The following USH2A variants were observed in gnomAD, a reference collection of about 807,000 sequenced individuals.
USH2A encodes the protein usherin, also known as Usher syndrome 2A (autosomal recessive, mild).
A neutral mutation model predicts 538.9 loss-of-function variants in USH2A; 443 were observed. The ratio of observed to expected loss-of-function variants is 0.82; its 90% CI spans 0.76 to 0.89. The LOEUF is 0.89. USH2A is among the 40% of genes least tolerant of loss of function. The pLI is 0.00. For missense variants in USH2A, 6,633 were observed against 6,324.8 expected, an observed-to-expected ratio of 1.05 and a Z score of -1.65; for synonymous variants, 2,413 against 2,273.5, an observed-to-expected ratio of 1.06 and a Z score of -1.75.
chr1:215,648,732 TG>T lies in USH2A; in HGVS notation c.14377del (p.His4793MetfsTer13), dbSNP rs760300512. On this transcript the variant is annotated frameshift_variant, in exon 66 of 72. Transcript: ENST00000307340. LOFTEE classifies it high-confidence loss of function. ...SEGMATQQTL[H>X]GLQAFTNYSI... is the part of the protein sequence containing the mutation. ...GTAGTTAGTGAAGGCTTGAAGGCCA[TG>T]GAGAGTCTGCTGGGTGGCCATGCCT... The T allele has an allele frequency of 1.2e-6, 2 of 1,614,102 alleles. No homozygotes were observed. Among genetic ancestry groups the T allele is most frequent in the South Asian group, 2.2e-5 (2 of 91,076 alleles).
intron 20 of USH2A, among the ~76,000 whole-genome samples, chr1:216,176,603 G>A (rs1572022381): frequency 6.6e-6 from 1 of 152,052 alleles, no homozygotes; most frequent in East Asian, 1.9e-4. Context: ...CTCACACGTG[G>A]TGTTTACCTT....
intron 21 of USH2A, among the ~76,000 whole-genome samples, chr1:216,130,091 A>G (rs750126792): frequency 6.6e-6 from 1 of 152,124 alleles, no homozygotes; most frequent in African/African-American, 2.4e-5. Context: ...GTAAGACCAG[A>G]AAGTATGAAA....
At chr1:215,648,445 G>C in intron 66 of USH2A, 83 bp downstream of exon 66, 2 of 1,415,228 alleles carry the variant, frequency 1.4e-6, no homozygotes, top group Non-Finnish European at 2.0e-6. Flanking sequence ...TTGTAGCCTA[G>C]GTGCAGAGTA....
intron 12 of USH2A, 35 bp downstream of exon 12, chr1:216,250,868 A>C: frequency 5.0e-6 from 8 of 1,604,030 alleles, no homozygotes; most frequent in Non-Finnish European, 6.8e-6. Context: ...AGATGGTAAT[A>C]GAGATGTGAC....
chr1:215,671,537 T>A (rs11120595), intron 63 of USH2A, among the ~76,000 whole-genome samples: 1 of 151,944 alleles, frequency 6.6e-6, no homozygotes, highest in Admixed American at 6.6e-5. Flanking sequence ...CAAAAAAAAA[T>A]TATATTTCCA....
At chr1:216,326,207 G>C (rs2037731720) in intron 5 of USH2A, among the ~76,000 whole-genome samples, 1 of 152,154 alleles carries the variant, frequency 6.6e-6, no homozygotes. Flanking sequence ...ATTCCAGGTA[G>C]ATATATTTAA....
intron 32 of USH2A, among the ~76,000 whole-genome samples, 158 bp downstream of exon 32, chr1:216,046,273 A>C (rs1258410445): frequency 1.3e-5 from 2 of 152,120 alleles, no homozygotes; most frequent in Non-Finnish European, 2.9e-5. Context: ...AATTTATATT[A>C]TTTTTAATTG....
intron 61 of USH2A, among the ~76,000 whole-genome samples, chr1:215,700,253 T>C (rs1658963069): frequency 6.6e-6 from 1 of 152,232 alleles, no homozygotes; most frequent in Admixed American, 6.5e-5. Context: ...ATCATGGATA[T>C]TGGTGTGAAA....
At position 215,889,014 on chromosome 1, in the gene USH2A, C is replaced by A; in HGVS notation, c.7635G>T (p.Lys2545Asn). The change falls in exon 41 of 72, where the codon AAG becomes AAT. Residue 2545 changes from lysine (K) to asparagine (N), a missense_variant. Physicochemically the swap from Lys to Asn is moderately conservative, Grantham distance 94 (BLOSUM62 0). Coordinates refer to ENST00000307340, the MANE Select transcript of USH2A (RefSeq NM_206933.4). ...PVVPPILLDV[K>N]SRMMLVTWQH... ...GCCAGGTGACCAACATCATTCTTGA[C>A]TTCACATCCAGAAGAATCGGAGGAA... The A allele has an allele frequency of 6.2e-7, 1 of 1,613,978 alleles. No individual in the cohort carries two copies. Among genetic ancestry groups the A allele is most frequent in the Non-Finnish European group, 8.5e-7 (1 of 1,180,010 alleles).
chr1:216,065,415 T>C (rs1278155539), intron 30 of USH2A, among the ~76,000 whole-genome samples: 6 of 152,206 alleles, frequency 3.9e-5, no homozygotes, highest in Admixed American at 3.3e-4. Context: ...ACATAGAATA[T>C]TGAACATTTT....
chr1:215,878,728 T>C (rs757650174), intron 42 of USH2A, 36 bp downstream of exon 42: 1 of 1,600,970 alleles, frequency 6.2e-7, no homozygotes, highest in Admixed American at 1.7e-5. Context: ...AGATAAGGAC[T>C]ACAGCAACAT....
chr1:216,200,215 A>C, intron 16 of USH2A, 94 bp from the exon 17 acceptor site: 1 of 1,287,142 alleles, frequency 7.8e-7, no homozygotes, highest in Non-Finnish European at 1.1e-6. Context: ...ATTTAATTAC[A>C]TAAACTATAC....
intron 61 of USH2A, among the ~76,000 whole-genome samples, chr1:215,720,927 G>A (rs1264207137): frequency 6.6e-6 from 1 of 152,012 alleles, no homozygotes; most frequent in Admixed American, 6.6e-5. Context: ...GTTCCTTTTT[G>A]TCTAATTCTT....
intron 30 of USH2A, among the ~76,000 whole-genome samples, chr1:216,056,432 G>A (rs908737389): frequency 1.3e-5 from 2 of 152,094 alleles, no homozygotes; most frequent in African/African-American, 4.8e-5. Flanking sequence ...TGGAGTGAGT[G>A]TACTGTATGG....
intron 30 of USH2A, among the ~76,000 whole-genome samples, chr1:216,058,797 A>G (rs1049185363): frequency 3.3e-5 from 5 of 152,210 alleles, no homozygotes; most frequent in Admixed American, 2.6e-4. Context: ...CATTAGGTTA[A>G]CTATGGGGTT....
intron 43 of USH2A, among the ~76,000 whole-genome samples, chr1:215,870,708 T>C (rs576062567): frequency 6.6e-6 from 1 of 152,278 alleles, no homozygotes; most frequent in African/African-American, 2.4e-5. Flanking sequence ...TCTACATATA[T>C]ATGTTGATTC....
At chr1:215,746,431 T>C (rs1385520602) in intron 58 of USH2A, among the ~76,000 whole-genome samples, 2 of 140,548 alleles carry the variant, frequency 1.4e-5, no homozygotes, top group East Asian at 4.6e-4. Context: ...TGCATAATAA[T>C]AAATAATGCT....
chr1:215,860,048 G>A (rs774675915), intron 44 of USH2A, among the ~76,000 whole-genome samples: 5 of 152,102 alleles, frequency 3.3e-5, no homozygotes, highest in African/African-American at 4.8e-5. Flanking sequence ...TTAGAAAGCC[G>A]GGCATCCCTT....
intron 20 of USH2A, among the ~76,000 whole-genome samples, chr1:216,186,855 G>A (rs907692028): frequency 5.9e-5 from 9 of 151,764 alleles, no homozygotes; most frequent in Non-Finnish European, 1.2e-4. Context: ...TAACTTCCAG[G>A]TCTGTCTTCC....
Sources: gnomAD v4.1 joint callset for allele counts (sites outside exome capture counted in the v4.1 genomes callset) on GRCh38, gnomAD v4.1.1 for gene constraint, MANE v1.5 for transcripts, NCBI Gene and HGNC (gene_info 2026-07-23, HGNC 2026-07-21) for gene names.